The following RABGAP1L variants were observed in gnomAD, a reference collection of about 807,000 sequenced individuals.
The protein encoded by RABGAP1L is RAB GTPase activating protein 1 like, also known as rab GTPase-activating protein 1-like.
RABGAP1L carries 63 observed loss-of-function variants against 137.7 expected under a neutral mutation model. The ratio of observed to expected loss-of-function variants is 0.46; its 90% confidence interval spans 0.37 to 0.56. The LOEUF is 0.56. Ranked by LOEUF, RABGAP1L falls within the 20% of genes least tolerant of loss-of-function variation. The pLI is 0.00. For missense variants in RABGAP1L, 1,095 were observed against 1,244.0 expected (o/e 0.88, Z 1.80); for synonymous variants, 431 against 433.7 (o/e 0.99, Z 0.08).
At chr1:174,567,652 T>G (rs952676332) in intron 13 of RABGAP1L, among the ~76,000 whole-genome samples, 1 of 152,202 alleles carries the variant, frequency 6.6e-6, no homozygotes, top group African/African-American at 2.4e-5. Context: ...CAATGTAGTA[T>G]TATAACAGTA....
Position 174,869,750 on chromosome 1 carries a change from G to C in RABGAP1L, c.2340+57790G>C, listed in dbSNP as rs185167731. ...AGACGGGATCTTTGACTGGTGATTA[G>C]ATCATGCGGGTTAAGTTCTCTTGAA... On this transcript the variant is annotated intron_variant, in intron 19 of 25. Transcript: ENST00000681986. Among the ~76,000 whole-genome samples, 4 of 152,208 alleles carry C rather than the reference G, an allele frequency of 2.6e-5. No individual in the cohort carries two copies. The East Asian group carries it at 7.7e-4, about 29-fold the overall frequency.
chr1:174,578,879 G>A (rs967236311), intron 13 of RABGAP1L, among the ~76,000 whole-genome samples: 4 of 152,050 alleles, frequency 2.6e-5, no homozygotes, highest in African/African-American at 9.7e-5. Context: ...ATAGTTTTGT[G>A]AACAGTTAGG....
rs547288906 is a variant in RABGAP1L at position 174,829,143 on chromosome 1, A to G, written c.2340+17183A>G. 3.4e-4 allele frequency among the ~76,000 whole-genome samples: 50 copies of G among 147,676 alleles called. 4 individuals carry two copies. In the South Asian group the frequency reaches 5.4e-3, roughly 16 times the overall value. On this transcript the variant is annotated intron_variant, in intron 19 of 25. Transcript: ENST00000681986. ...CCCCTCCCTAGATGCCTGAACCAAC[A>G]CCTAGCATAGTAGATGAATCAAGGA...
rs527589686 is a variant in RABGAP1L, at chr1:174,347,649, C to CGG, written c.1466-23330_1466-23329insGG. Among the ~76,000 whole-genome samples, 178 of 152,264 alleles carry CGG rather than the reference C, an allele frequency of 1.2e-3. 1 individual carries two copies. The highest frequency in any genetic ancestry group is 4.2e-3 in the African/African-American group (174 of 41,552). On this transcript the variant is annotated intron_variant, in intron 11 of 25. Transcript: ENST00000681986. Reference sequence around the variant, plus strand: ...CTGGGACTACAGGCACCCGCCTCCACACCTGGCTAATTTTTTTGTATTTTT... The same window carrying CGG: ...CTGGGACTACAGGCACCCGCCTCCACGGACCTGGCTAATTTTTTTGTATTTTT...
intron 10 of RABGAP1L, among the ~76,000 whole-genome samples, chr1:174,287,963 ATTTC>A (rs964274807): frequency 1.3e-5 from 2 of 151,710 alleles, no homozygotes; most frequent in African/African-American, 2.4e-5. Flanking sequence ...GCAGGCTTTT[ATTTC>A]TTTCTATTAA....
intron 13 of RABGAP1L, among the ~76,000 whole-genome samples, chr1:174,495,339 A>T (rs1660648104): frequency 6.6e-6 from 1 of 152,042 alleles, no homozygotes; most frequent in African/African-American, 2.4e-5. Context: ...TTTCCCCCCA[A>T]GTTTTCCCTT....
chr1:174,533,184 A>G (rs752084485), intron 13 of RABGAP1L, among the ~76,000 whole-genome samples: 2 of 152,224 alleles, frequency 1.3e-5, no homozygotes, highest in East Asian at 1.9e-4. Flanking sequence ...CAGTGAGCCA[A>G]GATCGCGCCA....
chr1:174,907,516 T>C (rs1659294365), intron 19 of RABGAP1L, among the ~76,000 whole-genome samples: 1 of 152,070 alleles, frequency 6.6e-6, no homozygotes, highest in Admixed American at 6.6e-5. Context: ...GGTTTTGCCA[T>C]GTTGCCCAGG....
intron 19 of RABGAP1L, among the ~76,000 whole-genome samples, chr1:174,826,940 A>C (rs922960000): frequency 1.3e-5 from 2 of 152,182 alleles, no homozygotes; most frequent in African/African-American, 4.8e-5. Context: ...TTGGATGCAT[A>C]GACTGGGAGG....
At chr1:174,320,136 G>T (rs1679809023) in intron 11 of RABGAP1L, among the ~76,000 whole-genome samples, 1 of 152,118 alleles carries the variant, frequency 6.6e-6, no homozygotes, top group South Asian at 2.1e-4. Flanking sequence ...TTGAGTGGTA[G>T]TTCACCAGGT....
At chr1:174,202,575 C>T (rs1334318549) in intron 1 of RABGAP1L, among the ~76,000 whole-genome samples, 4 of 152,044 alleles carry the variant, frequency 2.6e-5, no homozygotes, top group African/African-American at 9.7e-5. Flanking sequence ...GAGTAGGTTG[C>T]AAAAATTTTC....
intron 1 of RABGAP1L, among the ~76,000 whole-genome samples, chr1:174,183,434 G>A (rs1037572754): frequency 2.6e-5 from 4 of 151,984 alleles, no homozygotes; most frequent in African/African-American, 4.8e-5. Flanking sequence ...CGCTGTAACC[G>A]GCCTAAAGAT....
chr1:174,645,974 T>C (rs1448715240), intron 14 of RABGAP1L, among the ~76,000 whole-genome samples: 1 of 152,212 alleles, frequency 6.6e-6, no homozygotes, highest in Non-Finnish European at 1.5e-5. Flanking sequence ...ATGAGCTTTT[T>C]TTCATATGTT....
chr1:174,513,353 C>A (rs1662523322), intron 13 of RABGAP1L, among the ~76,000 whole-genome samples: 1 of 152,066 alleles, frequency 6.6e-6, no homozygotes, highest in Non-Finnish European at 1.5e-5. Flanking sequence ...AATTTTAGCA[C>A]TTTGGGAGAA....
At chr1:174,557,478 T>G (rs898137582) in intron 13 of RABGAP1L, among the ~76,000 whole-genome samples, 1 of 152,204 alleles carries the variant, frequency 6.6e-6, no homozygotes, top group African/African-American at 2.4e-5. Flanking sequence ...TCATTCTACT[T>G]CTACTACTTT....
At chr1:174,161,228 T>G (rs1664415560) in intron 1 of RABGAP1L, among the ~76,000 whole-genome samples, 1 of 144,070 alleles carries the variant, frequency 6.9e-6, no homozygotes, top group South Asian at 2.2e-4. Context: ...TGTATTATTA[T>G]TATTATTATT....
At chr1:174,241,345 G>T in intron 4 of RABGAP1L, 138 bp from the exon 5 acceptor site, 1 of 535,902 alleles carries the variant, frequency 1.9e-6, no homozygotes, top group African/African-American at 2.1e-5. Flanking sequence ...AAACAAAAAA[G>T]ATAGTTATTT....
At chr1:174,535,609 A>G (rs1178171808) in intron 13 of RABGAP1L, among the ~76,000 whole-genome samples, 2 of 152,196 alleles carry the variant, frequency 1.3e-5, no homozygotes, top group African/African-American at 2.4e-5. Flanking sequence ...TTACAAATTT[A>G]CAGCCCTTCA....
intron 13 of RABGAP1L, among the ~76,000 whole-genome samples, chr1:174,636,522 T>C (rs969483791): frequency 2.2e-4 from 23 of 105,696 alleles, no homozygotes; most frequent in Non-Finnish European, 3.0e-4. Flanking sequence ...TGTGAGACTC[T>C]ACTTCAAAAA....
Sources: allele counts gnomAD v4.1 joint callset (sites outside exome capture counted in the v4.1 genomes callset), GRCh38; gene constraint gnomAD v4.1.1; transcripts MANE v1.5; gene names NCBI Gene and HGNC (gene_info 2026-07-23, HGNC 2026-07-21).